The following PRH1 variants were observed in gnomAD, a reference collection of about 807,000 sequenced individuals.
PRH1 encodes proline rich protein HaeIII subfamily 1.
In PRH1, 7 loss-of-function variants were observed where a neutral mutation model predicts 7.9. That is an observed-to-expected ratio of 0.89 (90% CI 0.50 to 1.67). PRH1 has a LOEUF of 1.67. Among genes scored for constraint, PRH1 ranks in the 40% most tolerant of loss-of-function variants. PRH1 has a pLI of 0.00. For missense variants in PRH1, 109 were observed against 223.6 expected (o/e 0.49, Z 3.27); for synonymous variants, 45 against 80.8 (o/e 0.56, Z 2.38).
upstream of PRH1, among the ~76,000 whole-genome samples, chr12:10,887,334 A>G (rs1949507032): frequency 6.6e-6 from 1 of 152,158 alleles, no homozygotes; most frequent in Admixed American, 6.5e-5. Flanking sequence ...TAATTGCACC[A>G]ACTAAGCATT....
At chr12:11,135,715 G>C (rs576311556) in intron 1 of PRH1, among the ~76,000 whole-genome samples, 1 of 152,206 alleles carries the variant, frequency 6.6e-6, no homozygotes, top group African/African-American at 2.4e-5. Flanking sequence ...GTTCATGTGA[G>C]GTGGATAATT....
In PRH1 at chr12:11,089,490, G is replaced by C. The variant is rs1249231133; in HGVS notation, n.124-42302C>G. 9.8e-5 allele frequency among the ~76,000 whole-genome samples: 2 copies of C among 20,498 alleles called. 1 individual carries two copies. Among genetic ancestry groups the C allele is most frequent in the African/African-American group, 1.4e-4 (2 of 13,994 alleles). The allele number at this position is 20,498 out of a possible 152,430, so 13.4% of individuals were successfully genotyped here. Reference sequence around the variant, plus strand: ...GCTGTCTCTCTCACCTCACTGTGAAGTGGCTGCCAGCAGAGCCATACCAGA... The same window carrying C: ...GCTGTCTCTCTCACCTCACTGTGAACTGGCTGCCAGCAGAGCCATACCAGA... On this transcript the variant is annotated intron_variant and non_coding_transcript_variant, in intron 1 of 4. Coordinates refer to the PRH1 transcript ENST00000541977.
At chr12:11,141,781 C>G (rs966392938) in intron 1 of PRH1, among the ~76,000 whole-genome samples, 2 of 152,004 alleles carry the variant, frequency 1.3e-5, no homozygotes, top group Admixed American at 1.3e-4. Context: ...CCAGTGAGAA[C>G]TTCCTTGTTT....
chr12:11,092,113 T>G (rs1364446000), intron 1 of PRH1: 1 of 1,524,438 alleles, frequency 6.6e-7, no homozygotes, highest in South Asian at 1.1e-5. Flanking sequence ...AGGAGATCTT[T>G]TGTCTCTTGA....
At chr12:11,128,363 G>A (rs1380164400) in intron 1 of PRH1, among the ~76,000 whole-genome samples, 1 of 117,126 alleles carries the variant, frequency 8.5e-6, no homozygotes, top group African/African-American at 2.8e-5. Context: ...GGATCTTGGA[G>A]TCAGACGCCA....
chr12:10,898,689 T>TTCAACC (rs2135805206), intron 2 of PRH1, among the ~76,000 whole-genome samples: 1 of 152,302 alleles, frequency 6.6e-6, no homozygotes, highest in African/African-American at 2.4e-5. Context: ...ATAGAAAGCA[T>TTCAACC]GTCAGAAGAG....
intron 2 of PRH1, chr12:10,939,019 G>C (rs142263768): frequency 2.5e-6 from 4 of 1,613,460 alleles, no homozygotes; most frequent in Admixed American, 3.3e-5. Context: ...ACCAGCTTCC[G>C]AATATTAACC....
At chr12:11,101,501 A>T (rs1296719219) in intron 1 of PRH1, among the ~76,000 whole-genome samples, 1 of 152,192 alleles carries the variant, frequency 6.6e-6, no homozygotes, top group Non-Finnish European at 1.5e-5. Flanking sequence ...AAATAAAAAT[A>T]GAAAAGTTTT....
chr12:10,904,348 G>T (rs139157693), intron 2 of PRH1, among the ~76,000 whole-genome samples: 346 of 152,142 alleles, frequency 2.3e-3, no homozygotes, highest in African/African-American at 7.8e-3. Flanking sequence ...CAATGGAACA[G>T]AATAGAGAAC....
chr12:11,000,780 G>T (rs572244314), intron 1 of PRH1, among the ~76,000 whole-genome samples: 258 of 152,132 alleles, frequency 1.7e-3, no homozygotes, highest in Non-Finnish European at 1.9e-3. Flanking sequence ...TTTCTTTATA[G>T]TTGTCTTCCA....
At chr12:10,968,766 A>C (rs532897386) in intron 2 of PRH1, among the ~76,000 whole-genome samples, 271 of 152,346 alleles carry the variant, frequency 1.8e-3, no homozygotes, top group Non-Finnish European at 3.2e-3. Context: ...GTGCAGGAGC[A>C]CTTTTGGATG....
chr12:10,942,476 T>G (rs1276642779), intron 2 of PRH1, among the ~76,000 whole-genome samples: 3 of 152,046 alleles, frequency 2.0e-5, no homozygotes, highest in Non-Finnish European at 4.4e-5. Context: ...TCATGCAGGT[T>G]GTCGTGGAAG....
At chr12:10,947,732 C>T (rs1017698992) in intron 2 of PRH1, among the ~76,000 whole-genome samples, 1 of 151,996 alleles carries the variant, frequency 6.6e-6, no homozygotes, top group African/African-American at 2.4e-5. Flanking sequence ...TGACACTGGT[C>T]TCTGTGTTTC....
chr12:11,070,581 T>C (rs1944021802), intron 1 of PRH1, among the ~76,000 whole-genome samples: 1 of 152,190 alleles, frequency 6.6e-6, no homozygotes, highest in East Asian at 1.9e-4. Context: ...CTCTTTTTAA[T>C]AAACTTCCAT....
intron 1 of PRH1, among the ~76,000 whole-genome samples, chr12:11,013,617 T>C (rs1162470073): frequency 6.6e-6 from 1 of 152,172 alleles, no homozygotes; most frequent in Admixed American, 6.6e-5. Context: ...AATAATCCCC[T>C]GCCTATCAAT....
intron 1 of PRH1, among the ~76,000 whole-genome samples, chr12:11,034,022 G>A (rs34977274): frequency 0.41 from 52,445 of 129,088 alleles, 11,453 homozygotes; most frequent in Non-Finnish European, 0.48. Flanking sequence ...ATTTATAATG[G>A]TTATTTCCTC....
intron 2 of PRH1, chr12:10,938,447 G>A (rs2135885334): frequency 1.2e-6 from 2 of 1,614,006 alleles, no homozygotes; most frequent in Non-Finnish European, 1.7e-6. Context: ...CAACCTTTCA[G>A]AGGTCCAAAC....
chr12:11,111,191 C>T (rs754096240), intron 1 of PRH1, among the ~76,000 whole-genome samples: 2 of 152,184 alleles, frequency 1.3e-5, no homozygotes, highest in Non-Finnish European at 2.9e-5. Context: ...TAGACTCCCA[C>T]ACAATAATAG....
At chr12:10,916,543 G>C (rs946837087) in intron 2 of PRH1, among the ~76,000 whole-genome samples, 6 of 151,898 alleles carry the variant, frequency 4.0e-5, no homozygotes, top group Non-Finnish European at 8.8e-5. Flanking sequence ...GAAAATAACA[G>C]TAACAACCAC....
Sources: allele counts gnomAD v4.1 joint callset (sites outside exome capture counted in the v4.1 genomes callset), GRCh38; gene constraint gnomAD v4.1.1; transcripts MANE v1.5; gene names NCBI Gene and HGNC (gene_info 2026-07-23, HGNC 2026-07-21).